The following SGK1 variants were observed in gnomAD, a reference collection of about 807,000 sequenced individuals.
The protein encoded by SGK1 is serine/threonine-protein kinase Sgk1.
Under a neutral mutation model 64.2 loss-of-function variants are expected in SGK1, and 26 were observed. The ratio of observed to expected loss-of-function variants is 0.40; its 90% CI spans 0.30 to 0.56. SGK1 has a LOEUF of 0.56. Ranked by LOEUF, SGK1 falls within the 20% of genes least tolerant of loss-of-function variation. The probability of loss-of-function intolerance (pLI) is 0.38; values close to 1 mark genes in which losing one functional copy is unlikely to be tolerated. For synonymous variants in SGK1, 265 were observed against 239.7 expected, an observed-to-expected ratio of 1.11 and a Z score of -0.98; for missense variants, 519 against 645.6, an observed-to-expected ratio of 0.80 and a Z score of 2.12.
intron 2 of SGK1, among the ~76,000 whole-genome samples, chr6:134,226,508 T>G (rs193055200): frequency 3.9e-4 from 60 of 152,030 alleles, no homozygotes; most frequent in African/African-American, 1.4e-3. Context: ...CTGGGCAACA[T>G]GGTGAAACCT....
chr6:134,171,756 G>A lies in SGK1; in HGVS notation c.1072-24C>T, dbSNP rs567976016. 3.9e-6 allele frequency: 6 copies of A among 1,535,472 alleles called. No individual in the cohort carries two copies. The African/African-American group carries it at 6.8e-5, about 17-fold the overall frequency. On this transcript the variant is annotated intron_variant, in intron 10 of 13. Coordinates refer to ENST00000367858, the MANE Select transcript of SGK1 (RefSeq NM_001143676.3). Reference sequence around the variant, plus strand: ...TACTGAAAAACAGACCAGGGAAACAGCGTTTAGAACCTGCGAAAGCAAGCA... The same window carrying A: ...TACTGAAAAACAGACCAGGGAAACAACGTTTAGAACCTGCGAAAGCAAGCA...
chr6:134,312,082 G>A (rs888036291), intron 1 of SGK1, among the ~76,000 whole-genome samples: 2 of 152,180 alleles, frequency 1.3e-5, no homozygotes, highest in Admixed American at 6.5e-5. Flanking sequence ...CTCCAGTGAC[G>A]CAAATGGAAA....
chr6:134,298,980 T>C lies in SGK1; in HGVS notation c.69+18412A>G, dbSNP rs150808078. Among the ~76,000 whole-genome samples, 567 of 151,854 alleles carry C rather than the reference T, an allele frequency of 3.7e-3. 5 individuals are homozygous for C. The highest frequency in any genetic ancestry group is 0.013 in the African/African-American group (534 of 41,398). On this transcript the variant is annotated intron_variant, in intron 1 of 13. Transcript: ENST00000367858. The stretch of plus-strand genomic sequence containing the variant: ...CATGCCCAGCTAATTTTTGTATTTT[T>C]AGTAGAGCAGGGGTTTCACCATGCT...
intron 3 of SGK1, among the ~76,000 whole-genome samples, chr6:134,179,108 T>C (rs1775293863): frequency 6.6e-6 from 1 of 152,204 alleles, no homozygotes; most frequent in Non-Finnish European, 1.5e-5. Context: ...ATTATTGATA[T>C]TTCTCAACAT....
chr6:134,262,519 C>A (rs1436597040), intron 1 of SGK1, among the ~76,000 whole-genome samples: 1 of 56 alleles, frequency 0.018, no homozygotes, highest in South Asian at 0.5. Context: ...CCTGGACCAG[C>A]CTGCCAACAT....
intron 3 of SGK1, among the ~76,000 whole-genome samples, chr6:134,199,558 CAAAAA>C (rs369760659): frequency 3.7e-5 from 3 of 81,376 alleles, no homozygotes; most frequent in African/African-American, 5.0e-5. Flanking sequence ...GACTCTCTCT[CAAAAA>C]AAAAAAAAAA....
At chr6:134,298,561 AGCT>A in intron 1 of SGK1, 1 of 843,620 alleles carries the variant, frequency 1.2e-6, no homozygotes, top group Non-Finnish European at 2.0e-6. Context: ...CTACCCTGGA[AGCT>A]GCTGCTGCCC....
chr6:134,190,937 A>G (rs1023920031), intron 3 of SGK1, among the ~76,000 whole-genome samples: 4 of 152,208 alleles, frequency 2.6e-5, no homozygotes, highest in African/African-American at 9.7e-5. Flanking sequence ...CTGAGTGCTT[A>G]TCTTCCTCAT....
rs549698567 is a variant in SGK1 at position 134,265,608 on chromosome 6, TTATATATATACATA to T, written c.70-3474_70-3461del. On this transcript the variant is annotated intron_variant, in intron 1 of 13. Transcript: ENST00000367858. The stretch of plus-strand genomic sequence containing the variant: ...ACATATATACATATACATATATATT[TTATATATATACATA>T]TATATATATACATATATATATACAC... Among the ~76,000 whole-genome samples, 493 of 140,852 alleles carry T rather than the reference TTATATATATACATA, an allele frequency of 3.5e-3. 7 individuals are homozygous for T. Among genetic ancestry groups the T allele is most frequent in the African/African-American group, 0.013 (466 of 36,868 alleles). The allele number at this position is 140,852 out of a possible 152,430, so 92.4% of individuals were successfully genotyped here.
At chr6:134,217,836 C>T (rs1776012112) in intron 2 of SGK1, among the ~76,000 whole-genome samples, 1 of 152,210 alleles carries the variant, frequency 6.6e-6, no homozygotes, top group African/African-American at 2.4e-5. Context: ...TTCCAAACAA[C>T]TAGTCAGATG....
intron 2 of SGK1, among the ~76,000 whole-genome samples, chr6:134,243,595 C>T (rs960484263): frequency 1.3e-5 from 2 of 152,186 alleles, no homozygotes; most frequent in Non-Finnish European, 2.9e-5. Flanking sequence ...TCTCGAACTC[C>T]TGGCCTCAGG....
At position 134,271,114 on chromosome 6, in the gene SGK1, T is replaced by A. The variant is rs1282316175; in HGVS notation, c.70-8966A>T. On this transcript the variant is annotated intron_variant, in intron 1 of 13. Coordinates refer to ENST00000367858, the MANE Select transcript of SGK1 (RefSeq NM_001143676.3). ...GGCAGATCACCTAAGGTCAGGAGTT[T>A]GAGACCAGTCTGGCCAACATATAGT... Among the ~76,000 whole-genome samples, 3 of 144,430 alleles carry A rather than the reference T, an allele frequency of 2.1e-5. 1 individual carries two copies. In the East Asian group the frequency reaches 7.3e-4, roughly 35 times the overall value. The allele number at this position is 144,430 out of a possible 152,430, so 94.8% of individuals were successfully genotyped here.
intron 1 of SGK1, among the ~76,000 whole-genome samples, chr6:134,282,452 G>C (rs977959987): frequency 2.0e-5 from 3 of 152,074 alleles, no homozygotes; most frequent in Non-Finnish European, 4.4e-5. Flanking sequence ...AGGAGTTCGA[G>C]ACCAGCCTGG....
At chr6:134,192,155 G>A (rs1775523357) in intron 3 of SGK1, among the ~76,000 whole-genome samples, 1 of 151,708 alleles carries the variant, frequency 6.6e-6, no homozygotes, top group Non-Finnish European at 1.5e-5. Context: ...TATAGAGATG[G>A]GGTTTTGCCA....
At chr6:134,300,549 A>G (rs1254955772) in intron 1 of SGK1, among the ~76,000 whole-genome samples, 40 of 150,638 alleles carry the variant, frequency 2.7e-4, no homozygotes, top group African/African-American at 8.8e-4. Context: ...AAAAAAAAAA[A>G]AAAAAGAAAG....
intron 1 of SGK1, among the ~76,000 whole-genome samples, chr6:134,314,499 C>A (rs996951643): frequency 3.9e-5 from 6 of 152,132 alleles, no homozygotes; most frequent in Admixed American, 2.6e-4. Flanking sequence ...AGTTATGTGA[C>A]CTTGGGCGAA....
intron 3 of SGK1, among the ~76,000 whole-genome samples, chr6:134,191,635 A>G (rs1257657765): frequency 6.6e-6 from 1 of 151,872 alleles, no homozygotes; most frequent in Non-Finnish European, 1.5e-5. Flanking sequence ...AGTGGCAGAC[A>G]CTATGCATAG....
At chr6:134,175,007 T>C in intron 3 of SGK1, 1 of 1,112,320 alleles carries the variant, frequency 9.0e-7, no homozygotes. Flanking sequence ...CTACGCTGCC[T>C]GCGGCGGGCG....
rs1269152635 is a variant in SGK1 at position 134,235,539 on chromosome 6, ATTTTTATT to A, written c.285+26386_285+26393del. Among the ~76,000 whole-genome samples the A allele has an allele frequency of 1.2e-3, 156 of 131,828 alleles. 2 individuals are homozygous for A. Among genetic ancestry groups the A allele is most frequent in the African/African-American group, 4.5e-3 (141 of 31,242 alleles). The allele number at this position is 131,828 out of a possible 152,430, so 86.5% of individuals were successfully genotyped here. A position where few individuals can be genotyped will look rare whatever the true frequency, so the allele number is the denominator to read the frequency against. Reference sequence around the variant, plus strand: ...CAAGGAGGAAGTGGAAAAAATAGATATTTTTATTTATTTATTTATTTATTTATTTATTT... The same window carrying A: ...CAAGGAGGAAGTGGAAAAAATAGATATATTTATTTATTTATTTATTTATTT... On this transcript the variant is annotated intron_variant, in intron 2 of 13. Coordinates refer to ENST00000367858, the MANE Select transcript of SGK1 (RefSeq NM_001143676.3).
Sources: allele counts gnomAD v4.1 joint callset (sites outside exome capture counted in the v4.1 genomes callset), GRCh38; gene constraint gnomAD v4.1.1; transcripts MANE v1.5; gene names NCBI Gene and HGNC (gene_info 2026-07-23, HGNC 2026-07-21).